Variants in HOMER2 observed in about 807,000 individuals in gnomAD.
HOMER2 encodes the protein homer scaffold protein 2.
Under a neutral mutation model 47.0 loss-of-function variants are expected in HOMER2, and 27 were observed. That is an observed-to-expected ratio of 0.57 (90% confidence interval 0.42 to 0.79). HOMER2 has a LOEUF of 0.79. Ranked by LOEUF, HOMER2 falls within the 30% of genes least tolerant of loss-of-function variation. The pLI, the probability that HOMER2 is intolerant of heterozygous loss-of-function variation, is 0.00. For missense variants in HOMER2, 443 were observed against 435.0 expected, an observed-to-expected ratio of 1.02 and a Z score of -0.16; for synonymous variants, 161 against 163.8, an observed-to-expected ratio of 0.98 and a Z score of 0.13.
intron 1 of HOMER2, among the ~76,000 whole-genome samples, chr15:82,983,839 G>A (rs182542498): frequency 6.6e-6 from 1 of 151,918 alleles, no homozygotes; most frequent in Admixed American, 6.6e-5. Flanking sequence ...TGATCCGCCT[G>A]CCTCGGCCTC....
At position 82,855,304 on chromosome 15, in the gene HOMER2, G is replaced by A. The variant is rs144236549; in HGVS notation, c.495-504C>T. 4.6e-3 allele frequency among the ~76,000 whole-genome samples: 526 copies of A among 114,298 alleles called. 2 individuals are homozygous for A. Among genetic ancestry groups the A allele is most frequent in the African/African-American group, 0.018 (499 of 28,402 alleles). The allele number at this position is 114,298 out of a possible 152,430, so 75.0% of individuals were successfully genotyped here. On this transcript the variant is annotated intron_variant, in intron 5 of 8. Transcript: ENST00000450735. ...TCACGCCACTGCACTCCGGCCTGGCGACAGAGCGAGACTCCATCTCCAAAA... is the reference window on the plus strand; with the variant it reads ...TCACGCCACTGCACTCCGGCCTGGCAACAGAGCGAGACTCCATCTCCAAAA...
intron 1 of HOMER2, among the ~76,000 whole-genome samples, chr15:82,977,371 A>G (rs1344900668): frequency 1.3e-5 from 2 of 152,164 alleles, no homozygotes; most frequent in East Asian, 1.9e-4. Context: ...TTAATTTTCC[A>G]GTCTTGTTGA....
At chr15:82,975,136 A>G (rs2151260065) in intron 1 of HOMER2, among the ~76,000 whole-genome samples, 1 of 152,370 alleles carries the variant, frequency 6.6e-6, no homozygotes, top group East Asian at 1.9e-4. Flanking sequence ...TGATCACCAG[A>G]GAAATGCAGA....
At chr15:82,864,066 A>C in intron 4 of HOMER2, 101 bp downstream of exon 4, 1 of 675,032 alleles carries the variant, frequency 1.5e-6, no homozygotes, top group South Asian at 2.0e-5. Flanking sequence ...CTTCAAAATG[A>C]CCTATTGTCA....
At chr15:82,848,421 C>CA (rs2051285918), downstream of HOMER2, among the ~76,000 whole-genome samples, 1 of 152,204 alleles carries the variant, frequency 6.6e-6, no homozygotes. Flanking sequence ...TATTGCCACA[C>CA]ACGGGCAATC....
At chr15:82,875,807 G>A (rs1180561378) in intron 2 of HOMER2, among the ~76,000 whole-genome samples, 2 of 152,230 alleles carry the variant, frequency 1.3e-5, no homozygotes, top group African/African-American at 2.4e-5. Flanking sequence ...GAGTCACCTG[G>A]AGCCCCAGTG....
At chr15:82,911,464 T>A (rs375252280) in intron 1 of HOMER2, among the ~76,000 whole-genome samples, 2 of 152,310 alleles carry the variant, frequency 1.3e-5, no homozygotes, top group African/African-American at 4.8e-5. Context: ...AAAGCTGTTT[T>A]TTTATTTTCC....
At chr15:82,892,943 T>A in intron 1 of HOMER2, 102 bp from the exon 2 acceptor site, 1 of 875,178 alleles carries the variant, frequency 1.1e-6, no homozygotes, top group Admixed American at 3.0e-5. Flanking sequence ...AAATAGCTTA[T>A]AGGGAAACAT....
intron 1 of HOMER2, among the ~76,000 whole-genome samples, chr15:82,908,595 C>T (rs1158632119): frequency 2.6e-5 from 4 of 152,150 alleles, no homozygotes. Flanking sequence ...CTTTCTTCAG[C>T]CCTTTTCTGT....
At chr15:82,856,491 C>T (rs1342215687) in intron 5 of HOMER2, among the ~76,000 whole-genome samples, 1 of 152,092 alleles carries the variant, frequency 6.6e-6, no homozygotes, top group African/African-American at 2.4e-5. Context: ...TGGTAGCGTG[C>T]ACCTGTGGTC....
intron 1 of HOMER2, among the ~76,000 whole-genome samples, chr15:82,903,935 G>A (rs898160164): frequency 6.6e-6 from 1 of 152,126 alleles, no homozygotes; most frequent in African/African-American, 2.4e-5. Flanking sequence ...CCAGGAGTTC[G>A]AGACCAGGCT....
chr15:82,849,522 A>G lies in HOMER2; in HGVS notation c.*193T>C. 1.7e-6 allele frequency: 1 copy of G among 583,274 alleles called. No homozygotes were observed. The highest frequency in any genetic ancestry group is 3.0e-6 in the Non-Finnish European group (1 of 330,838). The allele number at this position is 583,274 out of a possible 1,614,324, so 36.1% of individuals were successfully genotyped here. On this transcript the variant is annotated 3_prime_UTR_variant, in exon 9 of 9. Coordinates refer to ENST00000450735, the MANE Select transcript of HOMER2 (RefSeq NM_004839.4). Reference sequence around the variant, plus strand: ...AGTCAGAATCTTCCAGTTGTCCACAACCTCACAAGGCCAGAGAAGCGAGAG... The same window carrying G: ...AGTCAGAATCTTCCAGTTGTCCACAGCCTCACAAGGCCAGAGAAGCGAGAG...
chr15:82,867,686 T>C (rs562057265), intron 3 of HOMER2, among the ~76,000 whole-genome samples: 9 of 152,334 alleles, frequency 5.9e-5, no homozygotes, highest in Admixed American at 5.9e-4. Flanking sequence ...GTGTTGTGTA[T>C]TGGTGCAGCC....
At chr15:82,851,297 C>G in intron 7 of HOMER2, 66 bp from the exon 8 acceptor site, 1 of 1,127,314 alleles carries the variant, frequency 8.9e-7, no homozygotes, top group Non-Finnish European at 1.3e-6. Flanking sequence ...TTGAAAATCA[C>G]CAATGTGTGC....
Position 82,849,657 on chromosome 15 carries a change from T to C in HOMER2, c.*58A>G. Reference sequence around the variant, plus strand: ...TGCACACAGAAGAACGTCCTAGAGCTATCTGGTCTCGCACACACGCTTGGG... The same window carrying C: ...TGCACACAGAAGAACGTCCTAGAGCCATCTGGTCTCGCACACACGCTTGGG... On this transcript the variant is annotated 3_prime_UTR_variant, in exon 9 of 9. Coordinates refer to ENST00000450735, the MANE Select transcript of HOMER2 (RefSeq NM_004839.4). 6.8e-7 allele frequency: 1 copy of C among 1,471,962 alleles called. No homozygotes were observed. The highest frequency in any genetic ancestry group is 9.3e-7 in the Non-Finnish European group (1 of 1,075,432). 91.2% of individuals were successfully genotyped at this position (1,471,962 alleles called of 1,614,324 possible). A position where few individuals can be genotyped will look rare whatever the true frequency, so the allele number is the denominator to read the frequency against.
rs189462685 is a variant in HOMER2 at position 82,949,217 on chromosome 15, T to C, written c.5+3314A>G. On this transcript the variant is annotated intron_variant, in intron 1 of 8. Transcript: ENST00000450735. ...CAGAAGCTCCAAGAAAGATCTGAGC[T>C]AGAAATTAAAGTGTGGGCATCATGG... Among the ~76,000 whole-genome samples the C allele has an allele frequency of 2.6e-5, 4 of 152,182 alleles. No individual in the cohort carries two copies. In the East Asian group the frequency reaches 5.8e-4, roughly 22 times the overall value.
At chr15:82,841,125 C>T (rs2051171873) in exon 2 of HOMER2, 1 of 152,042 alleles carries the variant, frequency 6.6e-6, no homozygotes, top group South Asian at 2.1e-4. Context: ...AAGTAATACA[C>T]AATCTTTGTA....
At chr15:82,895,727 A>G (rs2052888618) in intron 1 of HOMER2, among the ~76,000 whole-genome samples, 1 of 152,114 alleles carries the variant, frequency 6.6e-6, no homozygotes, top group Non-Finnish European at 1.5e-5. Context: ...CCTATTCCCT[A>G]CATCAGAAAA....
At chr15:82,946,637 G>A (rs2054388522) in intron 1 of HOMER2, among the ~76,000 whole-genome samples, 1 of 151,780 alleles carries the variant, frequency 6.6e-6, no homozygotes, top group Admixed American at 6.6e-5. Context: ...CTATCCTACT[G>A]CAACATCCTC....
Sources: allele counts gnomAD v4.1 joint callset (sites outside exome capture counted in the v4.1 genomes callset), GRCh38; gene constraint gnomAD v4.1.1; transcripts MANE v1.5; gene names NCBI Gene and HGNC (gene_info 2026-07-23, HGNC 2026-07-21).